Variants in CCDC93 observed in about 807,000 individuals in gnomAD.
CCDC93 encodes CCC complex scaffolding subunit CCDC93, also known as coiled-coil domain-containing protein 93.
Under a neutral mutation model 108.2 loss-of-function variants are expected in CCDC93, and 61 were observed. The observed-to-expected ratio is 0.56, with a 90% CI of 0.46 to 0.70. The LOEUF (loss-of-function observed/expected upper bound fraction) is 0.70, where lower values mean the gene tolerates loss of function less well. CCDC93 is among the 30% of genes least tolerant of loss of function. CCDC93 has a pLI of 0.00. For missense variants in CCDC93, 685 were observed against 764.2 expected (o/e 0.90, Z 1.22); for synonymous variants, 276 against 260.4 (o/e 1.06, Z -0.58).
At chr2:117,941,933 C>T (rs1473125123) in intron 18 of CCDC93, among the ~76,000 whole-genome samples, 1 of 152,168 alleles carries the variant, frequency 6.6e-6, no homozygotes, top group Non-Finnish European at 1.5e-5. Context: ...CCAGACCAAG[C>T]GGGCTCTGAG....
chr2:117,987,968 G>A (rs1680369229), intron 6 of CCDC93, among the ~76,000 whole-genome samples: 1 of 152,042 alleles, frequency 6.6e-6, no homozygotes, highest in Non-Finnish European at 1.5e-5. Context: ...GCACAAAGAG[G>A]TTAAAAAACT....
At chr2:117,948,248 T>A in intron 14 of CCDC93, 62 bp from the exon 15 acceptor site, 2 of 1,224,602 alleles carry the variant, frequency 1.6e-6, no homozygotes, top group Non-Finnish European at 2.4e-6. Context: ...GAATCGCAGC[T>A]AAAAGCAGGT....
intron 23 of CCDC93, among the ~76,000 whole-genome samples, chr2:117,922,142 A>T (rs1677891047): frequency 6.6e-6 from 1 of 152,174 alleles, no homozygotes; most frequent in Non-Finnish European, 1.5e-5. Flanking sequence ...AAATAAGTTT[A>T]AACTGTCACC....
chr2:118,008,353 C>G (rs1200139247), intron 2 of CCDC93, among the ~76,000 whole-genome samples, 192 bp downstream of exon 2: 2 of 152,198 alleles, frequency 1.3e-5, no homozygotes, highest in Non-Finnish European at 1.5e-5. Flanking sequence ...AAGGAACTGA[C>G]GTATTCACTG....
At chr2:117,935,894 T>C (rs2104721610) in intron 21 of CCDC93, 1 of 223,346 alleles carries the variant, frequency 4.5e-6, no homozygotes, top group African/African-American at 2.3e-5. Context: ...ACATTATTTA[T>C]TTGAAATACG....
intron 11 of CCDC93, among the ~76,000 whole-genome samples, chr2:117,970,322 C>T (rs1230900825): frequency 1.3e-5 from 2 of 152,134 alleles, no homozygotes; most frequent in Non-Finnish European, 2.9e-5. Flanking sequence ...GACAGGTCCC[C>T]ACTTTAGGCT....
Position 117,975,802 on chromosome 2 carries a change from A to G in CCDC93, c.658-522T>C, listed in dbSNP as rs1035314028. Reference sequence around the variant, plus strand: ...GTGTACTGAATCATGATGAAAAATTATACGTTTACTGCTCAGAGTAATCAA... The same window carrying G: ...GTGTACTGAATCATGATGAAAAATTGTACGTTTACTGCTCAGAGTAATCAA... On this transcript the variant is annotated intron_variant, in intron 8 of 23. Coordinates refer to ENST00000376300, the MANE Select transcript of CCDC93 (RefSeq NM_019044.5). Among the ~76,000 whole-genome samples, 7 of 152,222 alleles carry G rather than the reference A, an allele frequency of 4.6e-5. 1 individual carries two copies. The highest frequency in any genetic ancestry group is 3.9e-4 in the Admixed American group (6 of 15,282).
At chr2:117,956,155 T>TAATC (rs1261300083) in intron 12 of CCDC93, among the ~76,000 whole-genome samples, 2 of 152,234 alleles carry the variant, frequency 1.3e-5, no homozygotes, top group African/African-American at 4.8e-5. Context: ...GGTCAGGGAT[T>TAATC]ACTCCATGTG....
At chr2:117,990,906 C>T (rs1399742438) in intron 6 of CCDC93, among the ~76,000 whole-genome samples, 1 of 151,684 alleles carries the variant, frequency 6.6e-6, no homozygotes. Context: ...ATCCCTGGCT[C>T]GTGGTATCAT....
chr2:117,962,045 T>C (rs1679413498), intron 11 of CCDC93, among the ~76,000 whole-genome samples: 1 of 152,224 alleles, frequency 6.6e-6, no homozygotes, highest in Non-Finnish European at 1.5e-5. Context: ...ACAACTTCTA[T>C]TTTTAGAGGA....
At chr2:117,933,724 A>G (rs1034968950) in intron 22 of CCDC93, among the ~76,000 whole-genome samples, 4 of 151,748 alleles carry the variant, frequency 2.6e-5, no homozygotes, top group African/African-American at 9.7e-5. Flanking sequence ...TTTTTTAAAC[A>G]AACACAATAA....
At chr2:117,995,405 T>C (rs1680612669) in intron 6 of CCDC93, 41 bp downstream of exon 6, 1 of 1,456,300 alleles carries the variant, frequency 6.9e-7, no homozygotes, top group Non-Finnish European at 9.6e-7. Flanking sequence ...TATCTGAGGC[T>C]ACGCAGGACT....
At chr2:117,987,448 A>G (rs1378532039) in intron 6 of CCDC93, among the ~76,000 whole-genome samples, 2 of 152,218 alleles carry the variant, frequency 1.3e-5, no homozygotes, top group Non-Finnish European at 2.9e-5. Context: ...GAAGCTAAGT[A>G]ATGCAACCTA....
chr2:117,998,554 G>C (rs2104818902), intron 4 of CCDC93, among the ~76,000 whole-genome samples: 1 of 152,272 alleles, frequency 6.6e-6, no homozygotes, highest in Non-Finnish European at 1.5e-5. Flanking sequence ...AAATTTTACA[G>C]GTCCATGAAA....
chr2:117,932,065 G>A (rs926503107), intron 22 of CCDC93, among the ~76,000 whole-genome samples: 1 of 152,154 alleles, frequency 6.6e-6, no homozygotes, highest in Non-Finnish European at 1.5e-5. Context: ...CGGAGAGGAG[G>A]GTGGGTGCAT....
At chr2:117,947,123 C>G (rs566102724) in intron 15 of CCDC93, among the ~76,000 whole-genome samples, 30 of 152,270 alleles carry the variant, frequency 2.0e-4, no homozygotes, top group African/African-American at 7.0e-4. Flanking sequence ...GTGAGGTATA[C>G]AGTAATCACT....
Position 117,973,953 on chromosome 2 carries a change from G to C in CCDC93, c.843C>G (p.Leu281=), listed in dbSNP as rs1409881359. ...CAATCTGCTTGATCTCAGCAGAGCA[G>C]AGTCCCACAATCTGGCCCACGGAGC... ...TASSVGQIVG[L]CSAEIKQIVS... is the part of the protein sequence containing the mutation. Residue 281 remains leucine, a synonymous_variant, in exon 11 of 24, where the codon CTC becomes CTG. Transcript: ENST00000376300. The C allele has an allele frequency of 7.4e-6, 12 of 1,612,610 alleles. No homozygotes were observed. The highest frequency in any genetic ancestry group is 1.0e-5 in the Non-Finnish European group (12 of 1,179,384).
chr2:117,950,821 C>G, intron 13 of CCDC93: 1 of 985,424 alleles, frequency 1.0e-6, no homozygotes, highest in Non-Finnish European at 1.2e-6. Context: ...ATAGTAAGCT[C>G]CCAGAGAGGG....
chr2:117,958,546 G>C, intron 11 of CCDC93, 65 bp from the exon 12 acceptor site: 1 of 973,092 alleles, frequency 1.0e-6, no homozygotes, highest in East Asian at 2.4e-5. Context: ...ATGTAATCAA[G>C]CCCTGTTCAA....
Sources: allele counts gnomAD v4.1 joint callset (sites outside exome capture counted in the v4.1 genomes callset), GRCh38; gene constraint gnomAD v4.1.1; transcripts MANE v1.5; gene names NCBI Gene and HGNC (gene_info 2026-07-23, HGNC 2026-07-21).